GLIS1: variants seen among roughly 807,000 people sequenced by gnomAD.
GLIS1 encodes GLIS family zinc finger 1.
GLIS1 carries 24 observed loss-of-function variants against 63.8 expected under a neutral mutation model. The ratio of observed to expected loss-of-function variants is 0.38; its 90% CI spans 0.27 to 0.53. The LOEUF (loss-of-function observed/expected upper bound fraction) is 0.53. Among genes scored for constraint, GLIS1 ranks in the 20% least tolerant of loss-of-function variants. The pLI, the probability that GLIS1 is intolerant of heterozygous loss-of-function variation, is 0.85. For missense variants in GLIS1, 1,036 were observed against 1,074.1 expected (o/e 0.96, Z 0.50); for synonymous variants, 450 against 482.5 (o/e 0.93, Z 0.88).
At chr1:53,672,617 T>C (rs978053760) in intron 2 of GLIS1, among the ~76,000 whole-genome samples, 2 of 152,218 alleles carry the variant, frequency 1.3e-5, no homozygotes, top group African/African-American at 2.4e-5. Context: ...GTGAGCTGGA[T>C]TGACAACAGG....
chr1:53,580,345 ACAC>A (rs1191564245), intron 4 of GLIS1, among the ~76,000 whole-genome samples: 2 of 152,122 alleles, frequency 1.3e-5, no homozygotes, highest in African/African-American at 2.4e-5. Flanking sequence ...ATCTTCCTGT[ACAC>A]AAAGGTCAGG....
intron 4 of GLIS1, among the ~76,000 whole-genome samples, chr1:53,532,968 C>G (rs1033456068): frequency 2.0e-5 from 3 of 152,242 alleles, no homozygotes; most frequent in Non-Finnish European, 4.4e-5. Flanking sequence ...TGTTCATGGT[C>G]TTCCAACATG....
chr1:53,639,819 G>C lies in GLIS1; in HGVS notation c.260-39541C>G, dbSNP rs1040803695. On this transcript the variant is annotated intron_variant, in intron 2 of 10. Coordinates refer to ENST00000628545, the MANE Select transcript of GLIS1 (RefSeq NM_001367484.1). The surrounding 1 kb of genome is among the most constrained non-coding windows in gnomAD (Gnocchi z 4.6). ...GGACTATACTCCTCACAGCTGCCCCGAGGTTCTGCTTTGCCACTGAGGAAA... is the reference window on the plus strand; with the variant it reads ...GGACTATACTCCTCACAGCTGCCCCCAGGTTCTGCTTTGCCACTGAGGAAA... Among the ~76,000 whole-genome samples, 1 of 152,108 alleles carries C rather than the reference G, an allele frequency of 6.6e-6. No homozygotes were observed. The highest frequency in any genetic ancestry group is 2.4e-5 in the African/African-American group (1 of 41,408).
intron 2 of GLIS1, among the ~76,000 whole-genome samples, chr1:53,661,306 C>A (rs1216224762): frequency 6.6e-6 from 1 of 152,058 alleles, no homozygotes; most frequent in Middle Eastern, 3.2e-3. Context: ...GGATGAGGTA[C>A]AGGGAGACTA....
intron 2 of GLIS1, among the ~76,000 whole-genome samples, chr1:53,612,813 T>C (rs957294238): frequency 7.9e-6 from 1 of 125,810 alleles, no homozygotes; most frequent in Non-Finnish European, 1.6e-5. Flanking sequence ...CATTAGTTCT[T>C]TGATGCCTTT....
intron 4 of GLIS1, among the ~76,000 whole-genome samples, chr1:53,553,766 G>A (rs747494365): frequency 4.3e-5 from 6 of 138,958 alleles, no homozygotes; most frequent in Admixed American, 7.1e-5. Flanking sequence ...CTTTAGGGAC[G>A]GAGAATTTTG....
intron 2 of GLIS1, among the ~76,000 whole-genome samples, chr1:53,673,503 T>C (rs1355417548): frequency 1.3e-5 from 2 of 151,766 alleles, no homozygotes; most frequent in Non-Finnish European, 2.9e-5. Flanking sequence ...TCGGAAAGAG[T>C]CCTTTGACAC....
At chr1:53,549,818 G>T (rs1569806120) in intron 4 of GLIS1, among the ~76,000 whole-genome samples, 1 of 152,308 alleles carries the variant, frequency 6.6e-6, no homozygotes, top group East Asian at 1.9e-4. Context: ...AACGCCATGA[G>T]GTAGGTATGG....
chr1:53,567,547 A>G (rs925506232), intron 4 of GLIS1, among the ~76,000 whole-genome samples: 1 of 152,220 alleles, frequency 6.6e-6, no homozygotes, highest in African/African-American at 2.4e-5. Flanking sequence ...TAGCCAAGAC[A>G]ATGTGGAAAA....
chr1:53,551,926 G>A (rs899379884), intron 4 of GLIS1, among the ~76,000 whole-genome samples: 6 of 151,882 alleles, frequency 4.0e-5, no homozygotes, highest in African/African-American at 1.5e-4. Context: ...GTACCTAACT[G>A]CAGAAGCACT....
intron 5 of GLIS1, among the ~76,000 whole-genome samples, chr1:53,528,239 A>G (rs1024916858): frequency 6.6e-6 from 1 of 152,162 alleles, no homozygotes; most frequent in Non-Finnish European, 1.5e-5. Context: ...AATGAAGCTG[A>G]GAAGGGGAGG....
At position 53,646,270 on chromosome 1, in the gene GLIS1, A is replaced by G. The variant is rs1301271015; in HGVS notation, c.260-45992T>C. On this transcript the variant is annotated intron_variant, in intron 2 of 10. Transcript: ENST00000628545. The surrounding 1 kb of genome is among the most constrained non-coding windows in gnomAD (Gnocchi z 4.2). ...ATAAAATATATAAGAATTGAAAGGA[A>G]TAAATAAAACTTATTATTCACAAGT... 6.6e-6 allele frequency among the ~76,000 whole-genome samples: 1 copy of G among 152,252 alleles called. No homozygotes were observed. The highest frequency in any genetic ancestry group is 1.5e-5 in the Non-Finnish European group (1 of 68,042).
intron 2 of GLIS1, among the ~76,000 whole-genome samples, chr1:53,617,176 C>T (rs1315377026): frequency 2.6e-5 from 4 of 152,162 alleles, no homozygotes; most frequent in African/African-American, 9.7e-5. Flanking sequence ...AGGGGACACA[C>T]TGGAAATCAT....
intron 7 of GLIS1, among the ~76,000 whole-genome samples, chr1:53,519,659 G>A (rs1330131778): frequency 6.6e-6 from 1 of 152,170 alleles, no homozygotes; most frequent in Non-Finnish European, 1.5e-5. Flanking sequence ...CGTGGCCCAC[G>A]GCTGCTGGGA....
At chr1:53,549,057 C>T (rs1459585900) in intron 4 of GLIS1, among the ~76,000 whole-genome samples, 1 of 152,228 alleles carries the variant, frequency 6.6e-6, no homozygotes, top group East Asian at 1.9e-4. Context: ...TAGTGACTGG[C>T]TTCTTTCACT....
At chr1:53,554,789 C>A (rs2100414615) in intron 4 of GLIS1, among the ~76,000 whole-genome samples, 1 of 152,328 alleles carries the variant, frequency 6.6e-6, no homozygotes, top group Admixed American at 6.5e-5. Flanking sequence ...CCCCTGAGAG[C>A]CACTGTGGGG....
chr1:53,531,281 G>A (rs1359751153), intron 4 of GLIS1, among the ~76,000 whole-genome samples: 1 of 152,182 alleles, frequency 6.6e-6, no homozygotes, highest in Non-Finnish European at 1.5e-5. Context: ...ATGGGACCCT[G>A]CCCCTCTGAC....
intron 4 of GLIS1, among the ~76,000 whole-genome samples, chr1:53,554,637 C>T (rs930203176): frequency 6.6e-6 from 1 of 152,098 alleles, no homozygotes; most frequent in South Asian, 2.1e-4. Flanking sequence ...ATATTGCCCC[C>T]CCAGGGCAAC....
intron 2 of GLIS1, among the ~76,000 whole-genome samples, chr1:53,683,481 T>A (rs1452299254): frequency 6.6e-6 from 1 of 152,172 alleles, no homozygotes; most frequent in Non-Finnish European, 1.5e-5. Context: ...ACTCTATCTC[T>A]GCAGGCCTCA....
Sources: gnomAD v4.1 joint callset for allele counts (sites outside exome capture counted in the v4.1 genomes callset) on GRCh38, gnomAD v4.1.1 for gene constraint, Gnocchi (gnomAD v3.1) non-coding constraint, MANE v1.5 for transcripts, NCBI Gene and HGNC (gene_info 2026-07-23, HGNC 2026-07-21) for gene names.